FCRLB: variants seen among roughly 807,000 people sequenced by gnomAD.
FCRLB encodes the protein Fc receptor like B.
A neutral mutation model predicts 33.6 loss-of-function variants in FCRLB; 34 were observed. That is an observed-to-expected ratio of 1.01 (90% CI 0.77 to 1.35). FCRLB has a LOEUF of 1.35. Ranked by LOEUF, FCRLB falls within the 40% of genes most tolerant of loss-of-function variation. The pLI is 0.00. For synonymous variants in FCRLB, 280 were observed against 255.9 expected (o/e 1.09, Z -0.90); for missense variants, 560 against 580.2 (o/e 0.97, Z 0.36).
chr1:161,725,126 T>G (rs1683497779), intron 5 of FCRLB, among the ~76,000 whole-genome samples: 1 of 151,714 alleles, frequency 6.6e-6, no homozygotes, highest in African/African-American at 2.4e-5. Context: ...GAGGGAGAGG[T>G]AAGCAGGACC....
chr1:161,723,410 C>A (rs1683439270), exon 5 of FCRLB: 4 of 1,614,214 alleles, frequency 2.5e-6, no homozygotes, highest in Non-Finnish European at 3.4e-6. Context: ...CACCTTGGAC[C>A]ACCATCTTCA....
chr1:161,727,201 GAAGAACCATGC>G, intron 7 of FCRLB, 35 bp from the exon 8 acceptor site: 1 of 1,524,546 alleles, frequency 6.6e-7, no homozygotes, highest in Non-Finnish European at 8.8e-7. Context: ...CCAGCGCCGA[GAAGAACCATGC>G]AAGCCGCGCG....
exon 8 of FCRLB, chr1:161,727,798 A>G (rs1303836119): frequency 1.4e-5 from 15 of 1,103,428 alleles, no homozygotes; most frequent in Non-Finnish European, 1.9e-5. Flanking sequence ...CACGAAGTGT[A>G]GTGGCTGACG....
rs1487217756 is a variant in FCRLB at position 161,727,591 on chromosome 1, A to C, written c.1210A>C (p.Thr404Pro). The C allele has an allele frequency of 6.2e-7, 1 of 1,613,986 alleles. No homozygotes were observed. Among genetic ancestry groups the C allele is most frequent in the African/African-American group, 1.3e-5 (1 of 74,918 alleles). Reference sequence around the variant, plus strand: ...ACAGGCCCTCCGGGAGCTCAGGGGAACGCCCGAGACCCCCACCTCTCACTT... The same window carrying C: ...ACAGGCCCTCCGGGAGCTCAGGGGACCGCCCGAGACCCCCACCTCTCACTT... Residue 404 changes from threonine (T) to proline (P), a missense_variant, in exon 8 of 8, where the codon ACG (threonine) becomes CCG (proline). Physicochemically the swap from Thr to Pro is conservative, Grantham distance 38 (BLOSUM62 -1). Coordinates refer to ENST00000367948, the Ensembl canonical transcript of FCRLB.
chr1:161,721,595 T>G (rs1243995556), exon 1 of FCRLB: 1 of 152,200 alleles, frequency 6.6e-6, no homozygotes, highest in East Asian at 1.9e-4. Flanking sequence ...TGACAGTACC[T>G]GATAATTGAT....
chr1:161,723,186 T>G (rs1392240344), intron 4 of FCRLB, among the ~76,000 whole-genome samples, 177 bp downstream of exon 4: 3 of 152,300 alleles, frequency 2.0e-5, no homozygotes, highest in Non-Finnish European at 2.9e-5. Context: ...TGCTGGCTGA[T>G]GGACTGGTAG....
At position 161,723,363 on chromosome 1, in the gene FCRLB, C is replaced by G. The variant is rs1683436563; in HGVS notation, c.53-4C>G. The G allele has an allele frequency of 3.7e-6, 6 of 1,613,628 alleles. No homozygotes were observed. The highest frequency in any genetic ancestry group is 8.5e-7 in the Non-Finnish European group (1 of 1,179,716). Reference sequence around the variant, plus strand: ...GCCCCCTCTCACCCCACTCCCCACCCCAGCTACTCTGGAGAAGCCCATATT... The same window carrying G: ...GCCCCCTCTCACCCCACTCCCCACCGCAGCTACTCTGGAGAAGCCCATATT... On this transcript the variant is annotated splice_region_variant and splice_polypyrimidine_tract_variant and intron_variant, in intron 4 of 7. Coordinates refer to ENST00000367948, the Ensembl canonical transcript of FCRLB.
At chr1:161,728,043 G>C (rs1683659352) in exon 8 of FCRLB, 1 of 179,940 alleles carries the variant, frequency 5.6e-6, no homozygotes, top group South Asian at 1.4e-4. Context: ...TAGGGTCAAA[G>C]TGTAATTATT....
At chr1:161,724,425 T>A (rs1388469119) in intron 5 of FCRLB, among the ~76,000 whole-genome samples, 14 of 112,578 alleles carry the variant, frequency 1.2e-4, no homozygotes, top group African/African-American at 3.2e-4. Context: ...CACTCTCTAC[T>A]AAAAAAAAAA....
intron 2 of FCRLB, 71 bp from the exon 3 acceptor site, chr1:161,722,582 G>A: frequency 6.9e-7 from 1 of 1,459,586 alleles, no homozygotes; most frequent in Non-Finnish European, 9.6e-7. Context: ...CTAGTACTCA[G>A]TGGCATCCAC....
exon 8 of FCRLB, chr1:161,727,436 C>A (rs756106933): frequency 6.2e-7 from 1 of 1,613,436 alleles, no homozygotes; most frequent in South Asian, 1.1e-5. Context: ...GCGGGGCCAC[C>A]CGCCTGCGCT....
At chr1:161,724,329 C>T (rs978797355) in intron 5 of FCRLB, among the ~76,000 whole-genome samples, 2 of 151,328 alleles carry the variant, frequency 1.3e-5, no homozygotes, top group Non-Finnish European at 2.9e-5. Flanking sequence ...GTGGCTCAAG[C>T]CTGTGATCCC....
At chr1:161,727,602 C>G (rs1683644510) in exon 8 of FCRLB, 1 of 1,614,178 alleles carries the variant, frequency 6.2e-7, no homozygotes, top group South Asian at 1.1e-5. Context: ...CGCCCGAGAC[C>G]CCCACCTCTC....
intron 5 of FCRLB, among the ~76,000 whole-genome samples, chr1:161,724,253 G>A (rs1340785420): frequency 1.3e-5 from 2 of 152,022 alleles, no homozygotes; most frequent in Non-Finnish European, 2.9e-5. Context: ...ATGCTTGAAG[G>A]GTTTTAAAAC....
In FCRLB at chr1:161,722,342, C is replaced by T. The variant is rs116031057; in HGVS notation, c.-20-311C>T. On this transcript the variant is annotated intron_variant, in intron 2 of 7. Coordinates refer to ENST00000367948, the Ensembl canonical transcript of FCRLB. ...AATGGGAGCCTGAAGATGGCGGGGT[C>T]ATCTGCTGGAGCCTGGGGTTCTATG... Among the ~76,000 whole-genome samples the T allele has an allele frequency of 8.9e-3, 1,349 of 152,262 alleles. 18 individuals carry two copies. Among genetic ancestry groups the T allele is most frequent in the Middle Eastern group, 0.02 (6 of 294 alleles).
chr1:161,727,425 T>C, exon 8 of FCRLB: 1 of 1,613,182 alleles, frequency 6.2e-7, no homozygotes. Flanking sequence ...GCGCCCCGAC[T>C]GCGGGGCCAC....
At chr1:161,727,219 C>T (rs1191882502) in intron 7 of FCRLB, 28 bp from the exon 8 acceptor site, 2 of 1,556,774 alleles carry the variant, frequency 1.3e-6, no homozygotes, top group Middle Eastern at 2.2e-4. Context: ...ATGCAAGCCG[C>T]GCGTGACTGG....
At chr1:161,727,486 C>T (rs1571085930) in exon 8 of FCRLB, 1 of 1,614,136 alleles carries the variant, frequency 6.2e-7, no homozygotes, top group East Asian at 2.2e-5. Context: ...AGCCCTGAAA[C>T]CCGACGTGGA....
At position 161,726,821 on chromosome 1, in the gene FCRLB, G is replaced by T; in HGVS notation, c.693G>T (p.Pro231=). 1.3e-6 allele frequency: 2 copies of T among 1,567,734 alleles called. No homozygotes were observed. Among genetic ancestry groups the T allele is most frequent in the Non-Finnish European group, 1.7e-6 (2 of 1,156,990 alleles). Residue 231 remains proline, a synonymous_variant, in exon 7 of 8, where the codon CCG becomes CCT. Coordinates refer to ENST00000367948, the Ensembl canonical transcript of FCRLB. This position sits in a 1 kb window ranked among gnomAD's most constrained non-coding sequence, Gnocchi z 5.2. The stretch of plus-strand genomic sequence containing the variant: ...TGCACCCGCAGAAGCGCGACACGCC[G>T]CTGCAGTTCGCGTTTTACAAGTACA...
Sources: allele counts gnomAD v4.1 joint callset (sites outside exome capture counted in the v4.1 genomes callset), GRCh38; gene constraint gnomAD v4.1.1; non-coding constraint Gnocchi (gnomAD v3.1); transcripts MANE v1.5; gene names NCBI Gene and HGNC (gene_info 2026-07-23, HGNC 2026-07-21).